The following FRMPD2 variants were observed in gnomAD, a reference collection of about 807,000 sequenced individuals.
The protein encoded by FRMPD2 is FERM and PDZ domain containing 2.
In FRMPD2, 96 loss-of-function variants were observed where a neutral mutation model predicts 140.1. The observed-to-expected ratio is 0.69, with a 90% CI of 0.58 to 0.81. FRMPD2 has a LOEUF of 0.81. Ranked by LOEUF, FRMPD2 falls within the 40% of genes least tolerant of loss-of-function variation. FRMPD2 has a pLI of 0.00. For synonymous variants in FRMPD2, 449 were observed against 547.6 expected (o/e 0.82, Z 2.52); for missense variants, 1,240 against 1,447.4 (o/e 0.86, Z 2.32).
chr10:48,159,642 A>C (rs1830528901), intron 28 of FRMPD2, among the ~76,000 whole-genome samples: 1 of 151,816 alleles, frequency 6.6e-6, no homozygotes, highest in Non-Finnish European at 1.5e-5. Context: ...GGTATATCAT[A>C]ACTTTAGGTT....
intron 12 of FRMPD2, among the ~76,000 whole-genome samples, chr10:48,214,645 C>G (rs1469537520): frequency 6.6e-6 from 1 of 152,140 alleles, no homozygotes; most frequent in Non-Finnish European, 1.5e-5. Flanking sequence ...ATCTTTGATC[C>G]AGGATCCTTC....
chr10:48,195,957 G>T (rs190053555), intron 15 of FRMPD2, among the ~76,000 whole-genome samples: 3 of 152,350 alleles, frequency 2.0e-5, no homozygotes, highest in Admixed American at 1.3e-4. Flanking sequence ...GCACAGCAGA[G>T]GGAGTGGTCC....
At chr10:48,208,744 T>A (rs1394976979) in intron 13 of FRMPD2, among the ~76,000 whole-genome samples, 1 of 152,198 alleles carries the variant, frequency 6.6e-6, no homozygotes, top group Non-Finnish European at 1.5e-5. Context: ...TTTGCATTGC[T>A]ATTGCTGGGT....
intron 13 of FRMPD2, among the ~76,000 whole-genome samples, chr10:48,211,507 G>A (rs751744338): frequency 3.9e-5 from 6 of 152,092 alleles, no homozygotes; most frequent in Non-Finnish European, 8.8e-5. Context: ...ATTTGTCCGG[G>A]CACAGTGGCT....
chr10:48,232,679 T>C lies in FRMPD2; in HGVS notation c.994-390A>G, dbSNP rs575735706. ...AATCATATGGCCCTGGATCAATCTGTCGATCTGACATTGTCTCCCCAGGTC... is the reference window on the plus strand; with the variant it reads ...AATCATATGGCCCTGGATCAATCTGCCGATCTGACATTGTCTCCCCAGGTC... On this transcript the variant is annotated intron_variant, in intron 9 of 28. Transcript: ENST00000374201. 3.1e-4 allele frequency among the ~76,000 whole-genome samples: 47 copies of C among 152,286 alleles called. No individual in the cohort carries two copies. In the South Asian group the frequency reaches 9.7e-3, roughly 32 times the overall value.
At chr10:48,244,951 G>A in intron 3 of FRMPD2, 102 bp from the exon 4 acceptor site, 1 of 875,820 alleles carries the variant, frequency 1.1e-6, no homozygotes, top group Non-Finnish European at 1.9e-6. Context: ...AGACACTGTT[G>A]TCTGGCGAGT....
At chr10:48,188,650 G>C (rs1299556187) in intron 16 of FRMPD2, among the ~76,000 whole-genome samples, 1 of 152,202 alleles carries the variant, frequency 6.6e-6, no homozygotes, top group Non-Finnish European at 1.5e-5. Context: ...CAGGGCGCTC[G>C]TGTGCTCAAT....
At chr10:48,206,003 G>A (rs967871199) in intron 14 of FRMPD2, among the ~76,000 whole-genome samples, 1 of 152,022 alleles carries the variant, frequency 6.6e-6, no homozygotes, top group East Asian at 1.9e-4. Flanking sequence ...TTTTTCAGGG[G>A]CCGCAAGATA....
chr10:48,178,477 C>A (rs1838467075), intron 21 of FRMPD2, among the ~76,000 whole-genome samples: 2 of 152,178 alleles, frequency 1.3e-5, no homozygotes. Context: ...GCTTTCTAAT[C>A]ACCATGAATG....
chr10:48,188,336 CAG>C (rs1838741373), intron 16 of FRMPD2, among the ~76,000 whole-genome samples: 1 of 152,140 alleles, frequency 6.6e-6, no homozygotes, highest in Non-Finnish European at 1.5e-5. Context: ...AAGGGAAGAA[CAG>C]GGGCGGTGGG....
Position 48,168,068 on chromosome 10 carries a change from A to AAC in FRMPD2, c.3537+525_3537+526dup, listed in dbSNP as rs3045792. 3.4e-3 allele frequency among the ~76,000 whole-genome samples: 484 copies of AAC among 143,628 alleles called. 34 individuals carry two copies. Among genetic ancestry groups the AAC allele is most frequent in the African/African-American group, 0.011 (378 of 35,848 alleles). 94.2% of individuals were successfully genotyped at this position (143,628 alleles called of 152,430 possible). On this transcript the variant is annotated intron_variant, in intron 27 of 28. Transcript: ENST00000374201. ...CTCTTCATATATAAACACACACATA[A>AAC]ACACACACACACACACACTCATTCT...
At chr10:48,239,153 C>G (rs764383976) in intron 7 of FRMPD2, among the ~76,000 whole-genome samples, 3 of 152,134 alleles carry the variant, frequency 2.0e-5, no homozygotes, top group Non-Finnish European at 4.4e-5. Context: ...ATAGCCGAGC[C>G]GAAGACAGTC....
At chr10:48,182,747 C>T (rs561143412) in intron 20 of FRMPD2, among the ~76,000 whole-genome samples, 9 of 152,218 alleles carry the variant, frequency 5.9e-5, no homozygotes, top group Admixed American at 5.2e-4. Flanking sequence ...TAGCAGACCT[C>T]GAGTACTGCT....
At position 48,187,175 on chromosome 10, in the gene FRMPD2, C is replaced by G. The variant is rs188103401; in HGVS notation, c.2266+17G>C. 6 of 1,595,784 alleles carry G rather than the reference C, an allele frequency of 3.8e-6. No homozygotes were observed. In the East Asian group the frequency reaches 1.3e-4, roughly 36 times the overall value. On this transcript the variant is annotated intron_variant, in intron 17 of 28. Transcript: ENST00000374201. Reference sequence around the variant, plus strand: ...GGGGTTCCTCCACCCAAGACCTGGTCGTGGCCTGGCCCATACCTGCATGCA... The same window carrying G: ...GGGGTTCCTCCACCCAAGACCTGGTGGTGGCCTGGCCCATACCTGCATGCA...
At chr10:48,219,770 G>A (rs536126784) in intron 12 of FRMPD2, among the ~76,000 whole-genome samples, 23 of 152,318 alleles carry the variant, frequency 1.5e-4, no homozygotes, top group African/African-American at 4.3e-4. Flanking sequence ...ACTCCCTGAG[G>A]ATTATAACAG....
At chr10:48,245,769 T>C (rs1005301105) in intron 3 of FRMPD2, among the ~76,000 whole-genome samples, 1 of 152,214 alleles carries the variant, frequency 6.6e-6, no homozygotes, top group African/African-American at 2.4e-5. Flanking sequence ...TTGGTGTTTA[T>C]TGTGGGGCTT....
At chr10:48,203,138 A>C (rs1031443484) in intron 14 of FRMPD2, among the ~76,000 whole-genome samples, 1 of 152,142 alleles carries the variant, frequency 6.6e-6, no homozygotes, top group African/African-American at 2.4e-5. Context: ...TTTTTTAACA[A>C]ATCTGAAAAG....
chr10:48,202,082 A>G (rs1016518281), intron 14 of FRMPD2, among the ~76,000 whole-genome samples: 1 of 152,178 alleles, frequency 6.6e-6, no homozygotes, highest in Non-Finnish European at 1.5e-5. Flanking sequence ...AAGATGACCT[A>G]TATGAGGCTA....
rs374483165 is a variant in FRMPD2 at position 48,192,914 on chromosome 10, C to G, written c.1955-20G>C. The G allele has an allele frequency of 5.1e-6, 8 of 1,555,610 alleles. No individual in the cohort carries two copies. The African/African-American group carries it at 6.8e-5, about 13-fold the overall frequency. On this transcript the variant is annotated intron_variant, in intron 15 of 28. Transcript: ENST00000374201. ...CATGGTCTGAATTTGGGGAGAAAAA[C>G]ATAGACATACACACACACAAGAATG... is the stretch of plus-strand genomic sequence containing the variant.
Sources: allele counts gnomAD v4.1 joint callset (sites outside exome capture counted in the v4.1 genomes callset), GRCh38; gene constraint gnomAD v4.1.1; transcripts MANE v1.5; gene names NCBI Gene and HGNC (gene_info 2026-07-23, HGNC 2026-07-21).